Variants in SOX6 observed in about 807,000 individuals in gnomAD.
SOX6 encodes transcription factor SOX-6.
In SOX6, 11 loss-of-function variants were observed where a neutral mutation model predicts 97.8. The ratio of observed to expected loss-of-function variants is 0.11; its 90% CI spans 0.07 to 0.19. SOX6 has a LOEUF of 0.19. SOX6 is among the 10% of genes least tolerant of loss of function. The pLI, the probability that SOX6 is intolerant of heterozygous loss-of-function variation, is 1.00. For synonymous variants in SOX6, 360 were observed against 371.4 expected (o/e 0.97, Z 0.35); for missense variants, 810 against 1,039.5 (o/e 0.78, Z 3.04).
intron 4 of SOX6, among the ~76,000 whole-genome samples, chr11:16,188,473 A>G (rs1386350230): frequency 6.6e-6 from 1 of 152,130 alleles, no homozygotes; most frequent in Non-Finnish European, 1.5e-5. Flanking sequence ...AAAAGGAAGA[A>G]TTTATTGATC....
intron 3 of SOX6, among the ~76,000 whole-genome samples, chr11:16,686,034 G>T (rs1339736566): frequency 6.6e-6 from 1 of 152,272 alleles, no homozygotes; most frequent in African/African-American, 2.4e-5. Context: ...CCATGATGCG[G>T]AAGGTTGTGT....
intron 6 of SOX6, among the ~76,000 whole-genome samples, chr11:16,132,505 A>AAGCAAGC (rs1849843394): frequency 0.014 from 1,197 of 86,132 alleles, 156 homozygotes; most frequent in Non-Finnish European, 0.013. Context: ...AGAAAGAAAG[A>AAGCAAGC]AAGCTTATCT....
chr11:16,627,405 C>T (rs1848637433), intron 3 of SOX6, among the ~76,000 whole-genome samples: 1 of 152,232 alleles, frequency 6.6e-6, no homozygotes, highest in Non-Finnish European at 1.5e-5. Flanking sequence ...CTGCTCTTCA[C>T]AATAGCTGAA....
chr11:15,986,840 T>A (rs1014137693), intron 14 of SOX6, among the ~76,000 whole-genome samples: 2 of 152,168 alleles, frequency 1.3e-5, no homozygotes, highest in Non-Finnish European at 2.9e-5. Flanking sequence ...ACTCCAAGTA[T>A]CTTTAGTGAA....
At chr11:16,643,989 C>T (rs1268770548) in intron 3 of SOX6, among the ~76,000 whole-genome samples, 1 of 152,236 alleles carries the variant, frequency 6.6e-6, no homozygotes, top group African/African-American at 2.4e-5. Context: ...AATCATCCAT[C>T]TTCTGCATCG....
intron 9 of SOX6, among the ~76,000 whole-genome samples, chr11:16,082,568 T>C (rs1848493839): frequency 6.6e-6 from 1 of 152,194 alleles, no homozygotes; most frequent in Non-Finnish European, 1.5e-5. Context: ...TTGGCTTTGC[T>C]TCAGTCTTAA....
At chr11:16,665,537 G>C (rs1347028454) in intron 3 of SOX6, among the ~76,000 whole-genome samples, 1 of 152,196 alleles carries the variant, frequency 6.6e-6, no homozygotes, top group African/African-American at 2.4e-5. Context: ...ACAGCACCAG[G>C]TAGATTCCTA....
At chr11:16,192,338 AT>A (rs1056433546) in intron 4 of SOX6, among the ~76,000 whole-genome samples, 6 of 151,346 alleles carry the variant, frequency 4.0e-5, no homozygotes, top group Non-Finnish European at 7.4e-5. Context: ...AAATTGACAC[AT>A]TTTTTTTTCT....
At chr11:16,411,223 T>C (rs1442412573) in intron 1 of SOX6, among the ~76,000 whole-genome samples, 1 of 152,202 alleles carries the variant, frequency 6.6e-6, no homozygotes, top group East Asian at 1.9e-4. Context: ...GTGCATGCTA[T>C]TCCAAATGTG....
At chr11:16,680,844 GA>G (rs1847921862) in intron 3 of SOX6, among the ~76,000 whole-genome samples, 1 of 152,076 alleles carries the variant, frequency 6.6e-6, no homozygotes, top group African/African-American at 2.4e-5. Context: ...AACCAACAAA[GA>G]TCAAAAGAGA....
At chr11:15,988,889 C>A in intron 14 of SOX6, 108 bp downstream of exon 14, 1 of 1,156,350 alleles carries the variant, frequency 8.6e-7, no homozygotes, top group Non-Finnish European at 1.3e-6. Context: ...AACTTGCGCC[C>A]GCCACAATCT....
intron 6 of SOX6, among the ~76,000 whole-genome samples, chr11:16,168,700 C>T (rs1850951527): frequency 6.6e-6 from 1 of 152,126 alleles, no homozygotes; most frequent in South Asian, 2.1e-4. Context: ...ACCCCATATC[C>T]TTCAGAGTTA....
At chr11:16,149,426 T>A (rs1378113114) in intron 6 of SOX6, among the ~76,000 whole-genome samples, 2 of 152,086 alleles carry the variant, frequency 1.3e-5, no homozygotes, top group African/African-American at 4.8e-5. Context: ...CCCTTTTCAG[T>A]ACATTCCAGG....
In SOX6 at chr11:16,610,946, G is replaced by A. The variant is rs1590007451; in HGVS notation, n.609+1135C>T. 6.6e-6 allele frequency among the ~76,000 whole-genome samples: 1 copy of A among 152,210 alleles called. No individual in the cohort carries two copies. Among genetic ancestry groups the A allele is most frequent in the South Asian group, 2.1e-4 (1 of 4,832 alleles). On this transcript the variant is annotated intron_variant and non_coding_transcript_variant, in intron 4 of 5. Coordinates refer to the SOX6 transcript ENST00000524520. This position sits in a 1 kb window ranked among gnomAD's most constrained non-coding sequence, Gnocchi z 4.4. ...AGGAACTCATAAGCTCACATCCCCT[G>A]GGGGTTGGAGCCCCACGCGGCGCAA...
intron 1 of SOX6, among the ~76,000 whole-genome samples, chr11:16,471,348 G>A (rs1031247048): frequency 5.3e-5 from 8 of 152,106 alleles, no homozygotes; most frequent in Admixed American, 5.2e-4. Flanking sequence ...TCCGGCCTAG[G>A]TAGTTGATTT....
In SOX6 at chr11:15,986,431, A is replaced by T. The variant is rs190730399; in HGVS notation, c.1967-11T>A. On this transcript the variant is annotated splice_polypyrimidine_tract_variant and intron_variant, in intron 14 of 15. Coordinates refer to ENST00000683767, the MANE Select transcript of SOX6 (RefSeq NM_001367873.1). ...ATTTCCAGCGAGATCCTAGAAATAA[A>T]AATAGCCTTAAGTACCCAAGTGGTC... 10 of 1,613,766 alleles carry T rather than the reference A, an allele frequency of 6.2e-6. No homozygotes were observed. Among genetic ancestry groups the T allele is most frequent in the Non-Finnish European group, 8.5e-6 (10 of 1,179,876 alleles).
intron 4 of SOX6, among the ~76,000 whole-genome samples, chr11:16,602,935 C>T (rs1031365765): frequency 6.6e-6 from 1 of 151,954 alleles, no homozygotes; most frequent in African/African-American, 2.4e-5. Flanking sequence ...GCGGAAGAAT[C>T]GCTTGAACCC....
chr11:16,661,517 T>C (rs1445933765), intron 3 of SOX6, among the ~76,000 whole-genome samples: 3 of 152,178 alleles, frequency 2.0e-5, no homozygotes, highest in Non-Finnish European at 4.4e-5. Flanking sequence ...TTAAAAAAAA[T>C]CTTACCCTCT....
chr11:15,974,348 C>CTTTT lies in SOX6; in HGVS notation c.2184-1240_2184-1237dup, dbSNP rs1453513755. ...AGAAGTAGCTTAGCTACCTGCCATTCTTTTTTTTGTTTTTTTCTGTTAGCT... is the reference window on the plus strand; with the variant it reads ...AGAAGTAGCTTAGCTACCTGCCATTCTTTTTTTTTTTTGTTTTTTTCTGTTAGCT... On this transcript the variant is annotated intron_variant, in intron 15 of 15. Coordinates refer to ENST00000683767, the MANE Select transcript of SOX6 (RefSeq NM_001367873.1). Among the ~76,000 whole-genome samples the CTTTT allele has an allele frequency of 1.9e-3, 159 of 82,820 alleles. No individual in the cohort carries two copies. In the East Asian group the frequency reaches 0.021, roughly 11 times the overall value. The allele number at this position is 82,820 out of a possible 152,430, so 54.3% of individuals were successfully genotyped here.
Sources: allele counts gnomAD v4.1 joint callset (sites outside exome capture counted in the v4.1 genomes callset), GRCh38; gene constraint gnomAD v4.1.1; non-coding constraint Gnocchi (gnomAD v3.1); transcripts MANE v1.5; gene names NCBI Gene and HGNC (gene_info 2026-07-23, HGNC 2026-07-21).